Variants in SIK2 observed in about 807,000 individuals in gnomAD.
The protein encoded by SIK2 is salt inducible kinase 2, also known as serine/threonine-protein kinase SIK2.
SIK2 carries 29 observed loss-of-function variants against 103.2 expected under a neutral mutation model. The observed-to-expected ratio is 0.28, with a 90% CI of 0.21 to 0.38. The LOEUF (loss-of-function observed/expected upper bound fraction) is 0.38. SIK2 is among the 10% of genes least tolerant of loss of function. The pLI is 1.00. For missense variants in SIK2, 879 were observed against 1,171.0 expected (o/e 0.75, Z 3.64); for synonymous variants, 412 against 446.1 (o/e 0.92, Z 0.96).
At chr11:111,659,285 T>C (rs1004858837) in intron 3 of SIK2, among the ~76,000 whole-genome samples, 2 of 152,206 alleles carry the variant, frequency 1.3e-5, no homozygotes, top group African/African-American at 4.8e-5. Context: ...TAATTTGCAA[T>C]ATTAGTCTGA....
At chr11:111,620,061 A>T (rs542061530) in intron 2 of SIK2, among the ~76,000 whole-genome samples, 1 of 152,326 alleles carries the variant, frequency 6.6e-6, no homozygotes. Flanking sequence ...CCAATTCAGT[A>T]TGTCTGGGAT....
At chr11:111,685,838 T>C (rs1015566794) in intron 3 of SIK2, among the ~76,000 whole-genome samples, 1 of 151,688 alleles carries the variant, frequency 6.6e-6, no homozygotes, top group African/African-American at 2.4e-5. Flanking sequence ...AACAAAAGAG[T>C]GAGGCCCTGA....
intron 3 of SIK2, among the ~76,000 whole-genome samples, chr11:111,643,871 T>C (rs1942216511): frequency 6.6e-6 from 1 of 151,862 alleles, no homozygotes; most frequent in Non-Finnish European, 1.5e-5. Context: ...TAGCCCCAGC[T>C]ACTCATGAGG....
At chr11:111,637,452 A>T (rs1057078406) in intron 3 of SIK2, among the ~76,000 whole-genome samples, 2 of 147,000 alleles carry the variant, frequency 1.4e-5, no homozygotes, top group East Asian at 3.9e-4. Flanking sequence ...TCATTTTGTA[A>T]TATCTTTTTT....
intron 3 of SIK2, among the ~76,000 whole-genome samples, chr11:111,675,691 T>C (rs1040060199): frequency 2.0e-5 from 3 of 152,236 alleles, no homozygotes; most frequent in African/African-American, 7.2e-5. Flanking sequence ...TGAAAAATTG[T>C]TCCTGCTTAG....
rs1389069688 is a variant in SIK2, at chr11:111,725,248, A to G, written c.*1119A>G. 1 of 152,648 alleles carries G rather than the reference A, an allele frequency of 6.6e-6. No individual in the cohort carries two copies. The highest frequency in any genetic ancestry group is 1.5e-5 in the Non-Finnish European group (1 of 68,034). 9.5% of individuals were successfully genotyped at this position (152,648 alleles called of 1,614,324 possible). On this transcript the variant is annotated 3_prime_UTR_variant, in exon 15 of 15. Transcript: ENST00000304987. ...TCCATTTATGTCAATGCTAAATCCA[A>G]AGTCACTTCAGAGTTTGTTTTCCAC...
At position 111,670,068 on chromosome 11, in the gene SIK2, C is replaced by T. The variant is rs138964326; in HGVS notation, c.317-17933C>T. On this transcript the variant is annotated intron_variant, in intron 3 of 14. Coordinates refer to ENST00000304987, the MANE Select transcript of SIK2 (RefSeq NM_015191.3). ...ACATCCTATTATAATTATTCTCCTC[C>T]GACTATTTTGAACTGTACATTGGAT... Among the ~76,000 whole-genome samples, 1,133 of 152,160 alleles carry T rather than the reference C, an allele frequency of 7.4e-3. 9 individuals carry two copies. Among genetic ancestry groups the T allele is most frequent in the Middle Eastern group, 0.061 (18 of 294 alleles).
Position 111,705,843 on chromosome 11 carries a change from AAAG to A in SIK2, c.1101+710_1101+712del, listed in dbSNP as rs763206763. 2.6e-5 allele frequency among the ~76,000 whole-genome samples: 4 copies of A among 152,226 alleles called. No individual in the cohort carries two copies. Among genetic ancestry groups the A allele is most frequent in the Admixed American group, 6.5e-5 (1 of 15,278 alleles). On this transcript the variant is annotated intron_variant, in intron 8 of 14. Transcript: ENST00000304987. The surrounding 1 kb of genome is among the most constrained non-coding windows in gnomAD (Gnocchi z 4.3). ...TTATGAAGGATGGGTCAGATAGAGA[AAAG>A]AAGAAATTTGGAGAGAGCAGTTAGG...
At chr11:111,642,634 A>C (rs959506417) in intron 3 of SIK2, among the ~76,000 whole-genome samples, 1 of 152,120 alleles carries the variant, frequency 6.6e-6, no homozygotes, top group Non-Finnish European at 1.5e-5. Flanking sequence ...ATGATTGAGT[A>C]CATCATTGGC....
chr11:111,691,786 T>C (rs1434339269), intron 4 of SIK2, among the ~76,000 whole-genome samples: 1 of 152,232 alleles, frequency 6.6e-6, no homozygotes, highest in Non-Finnish European at 1.5e-5. Context: ...AAGCTTCTAC[T>C]CTGCTCTTGG....
intron 3 of SIK2, among the ~76,000 whole-genome samples, chr11:111,664,568 A>G (rs1009945071): frequency 2.0e-5 from 3 of 152,188 alleles, no homozygotes; most frequent in African/African-American, 4.8e-5. Flanking sequence ...GTGAGCCAAG[A>G]TCGCGCCACT....
In SIK2 at chr11:111,721,834, A is replaced by T; in HGVS notation, c.1949A>T (p.Glu650Val). 1 of 1,606,340 alleles carries T rather than the reference A, an allele frequency of 6.2e-7. No individual in the cohort carries two copies. Among genetic ancestry groups the T allele is most frequent in the South Asian group, 1.1e-5 (1 of 89,858 alleles). Residue 650 changes from glutamate to valine, a missense_variant, in exon 13 of 15, where the codon GAA becomes GTA. Glu to Val is a moderately radical substitution (Grantham distance 121). Around this residue, in one of 7 missense-constraint regions of SIK2, gnomAD observed 375 missense variants for 416.3 expected, o/e 0.90. Transcript: ENST00000304987. ...QDLASSCPQE[E>V]VSQQQESVST... Reference sequence around the variant, plus strand: ...TTCCACCCCCTTGCTCCTCAGGAAGAAGTTTCTCAGCAGCAGGAAAGCGTC... The same window carrying T: ...TTCCACCCCCTTGCTCCTCAGGAAGTAGTTTCTCAGCAGCAGGAAAGCGTC...
rs551116329 is a variant in SIK2 at position 111,730,533 on chromosome 11, T to C, written c.*6404T>C. On this transcript the variant is annotated 3_prime_UTR_variant, in exon 15 of 15. Coordinates refer to ENST00000304987, the MANE Select transcript of SIK2 (RefSeq NM_015191.3). The stretch of plus-strand genomic sequence containing the variant: ...GGAGGTGGGTGGTTTTGCTGGATGT[T>C]TGGTCTGAAAGAGTTACTTTTGATA... The C allele has an allele frequency of 1.3e-5, 2 of 152,346 alleles. No individual in the cohort carries two copies. The highest frequency in any genetic ancestry group is 2.9e-5 in the Non-Finnish European group (2 of 68,034). The allele number at this position is 152,346 out of a possible 1,614,324, so 9.4% of individuals were successfully genotyped here. A position where few individuals can be genotyped will look rare whatever the true frequency, so the allele number is the denominator to read the frequency against.
chr11:111,682,891 G>C (rs1022973450), intron 3 of SIK2, among the ~76,000 whole-genome samples: 1 of 152,160 alleles, frequency 6.6e-6, no homozygotes, highest in Non-Finnish European at 1.5e-5. Flanking sequence ...AAATTAGCCA[G>C]TCTGTTGCAG....
chr11:111,640,052 G>A (rs1224431219), intron 3 of SIK2, among the ~76,000 whole-genome samples: 2 of 152,182 alleles, frequency 1.3e-5, no homozygotes, highest in African/African-American at 4.8e-5. Flanking sequence ...ATCCCTTGTG[G>A]TATTCCAACT....
chr11:111,636,472 C>T (rs1942110109), intron 3 of SIK2, among the ~76,000 whole-genome samples: 1 of 152,148 alleles, frequency 6.6e-6, no homozygotes. Flanking sequence ...CATAAGTTAA[C>T]AAAGTCTCTG....
chr11:111,631,428 TATGA>T (rs747476452), intron 3 of SIK2, among the ~76,000 whole-genome samples: 7 of 152,036 alleles, frequency 4.6e-5, no homozygotes, highest in Non-Finnish European at 1.0e-4. Flanking sequence ...AAGTAGACAA[TATGA>T]ATGAATGGCC....
intron 9 of SIK2, among the ~76,000 whole-genome samples, chr11:111,714,922 G>A (rs997755760): frequency 1.1e-4 from 17 of 152,204 alleles, no homozygotes; most frequent in African/African-American, 4.1e-4. Context: ...TTTTAAAGAT[G>A]TAATTCCCTC....
At chr11:111,691,974 G>T (rs963275418) in intron 4 of SIK2, among the ~76,000 whole-genome samples, 1 of 152,120 alleles carries the variant, frequency 6.6e-6, no homozygotes, top group Non-Finnish European at 1.5e-5. Context: ...ACTCTGTCTG[G>T]AAGAATCAGG....
Sources: gnomAD v4.1 joint callset for allele counts (sites outside exome capture counted in the v4.1 genomes callset) on GRCh38, gnomAD v4.1.1 for gene constraint, gnomAD v4.1.1 regional missense constraint, Gnocchi (gnomAD v3.1) non-coding constraint, MANE v1.5 for transcripts, NCBI Gene and HGNC (gene_info 2026-07-23, HGNC 2026-07-21) for gene names.